The following SULF1 variants were observed in gnomAD, a reference collection of about 807,000 sequenced individuals.
The protein encoded by SULF1 is extracellular sulfatase Sulf-1.
A neutral mutation model predicts 110.5 loss-of-function variants in SULF1; 46 were observed. The observed-to-expected ratio is 0.42, with a 90% confidence interval of 0.33 to 0.53. The LOEUF (loss-of-function observed/expected upper bound fraction) is 0.53, where lower values mean the gene tolerates loss of function less well. Ranked by LOEUF, SULF1 falls within the 20% of genes least tolerant of loss-of-function variation. The pLI is 0.12. For synonymous variants in SULF1, 371 were observed against 387.1 expected (o/e 0.96, Z 0.49); for missense variants, 941 against 1,094.2 (o/e 0.86, Z 1.98).
Position 69,658,504 on chromosome 8 carries a change from G to A in SULF1, c.2586-1G>A. 6.3e-7 allele frequency: 1 copy of A among 1,583,574 alleles called. No homozygotes were observed. The highest frequency in any genetic ancestry group is 8.6e-7 in the Non-Finnish European group (1 of 1,165,532). ...ATTCACCTTCTTCTCTCTTTTCACA[G>A]AGGACAGTTATGGGATGGATGGGAA... On this transcript the variant is annotated splice_acceptor_variant, in intron 22 of 22. Coordinates refer to ENST00000402687, the MANE Select transcript of SULF1 (RefSeq NM_001128205.2). LOFTEE classifies it high-confidence loss of function.
At chr8:69,556,621 A>G (rs898140873) in intron 3 of SULF1, among the ~76,000 whole-genome samples, 1 of 152,250 alleles carries the variant, frequency 6.6e-6, no homozygotes, top group African/African-American at 2.4e-5. Flanking sequence ...CCATAGATAT[A>G]TAAAACCAAA....
chr8:69,648,185 G>A (rs1410802177), intron 22 of SULF1, among the ~76,000 whole-genome samples: 1 of 151,410 alleles, frequency 6.6e-6, no homozygotes, highest in Non-Finnish European at 1.5e-5. Flanking sequence ...GAAGGGCTTA[G>A]GAGAAAGGAG....
chr8:69,619,724 A>G (rs183432829), intron 13 of SULF1, among the ~76,000 whole-genome samples: 5 of 152,310 alleles, frequency 3.3e-5, no homozygotes, highest in African/African-American at 9.6e-5. Flanking sequence ...AGGATGTGCA[A>G]CAGGGGTGTG....
chr8:69,611,441 C>T (rs1295345000), intron 13 of SULF1, among the ~76,000 whole-genome samples: 1 of 152,110 alleles, frequency 6.6e-6, no homozygotes, highest in Non-Finnish European at 1.5e-5. Context: ...CCTCTCTTTC[C>T]CATCTCACAC....
chr8:69,633,485 C>G (rs144162451), intron 19 of SULF1, among the ~76,000 whole-genome samples: 1 of 151,738 alleles, frequency 6.6e-6, no homozygotes, highest in South Asian at 2.1e-4. Context: ...GCCACCACCA[C>G]GCCTAGCTAA....
intron 3 of SULF1, among the ~76,000 whole-genome samples, chr8:69,521,489 G>A (rs1180656516): frequency 4.6e-5 from 7 of 152,148 alleles, no homozygotes; most frequent in Non-Finnish European, 1.0e-4. Flanking sequence ...AGACTTGAAG[G>A]AGTGAGGAAG....
At chr8:69,635,725 C>T (rs977934187) in intron 19 of SULF1, among the ~76,000 whole-genome samples, 1 of 152,136 alleles carries the variant, frequency 6.6e-6, no homozygotes, top group Non-Finnish European at 1.5e-5. Context: ...AAAATATTAG[C>T]CGGGTGTGAT....
chr8:69,642,729 G>A (rs904117061), intron 22 of SULF1, among the ~76,000 whole-genome samples: 8 of 152,220 alleles, frequency 5.3e-5, no homozygotes, highest in African/African-American at 1.9e-4. Context: ...ATAAAAGGGT[G>A]TTCACAGATT....
At chr8:69,597,860 T>C (rs1459672434) in intron 8 of SULF1, among the ~76,000 whole-genome samples, 2 of 152,200 alleles carry the variant, frequency 1.3e-5, no homozygotes, top group African/African-American at 4.8e-5. Context: ...TCTCAGGGCA[T>C]GTAATGGTAA....
At chr8:69,633,914 A>G (rs1255223459) in intron 19 of SULF1, among the ~76,000 whole-genome samples, 1 of 152,170 alleles carries the variant, frequency 6.6e-6, no homozygotes, top group African/African-American at 2.4e-5. Context: ...ATATTTCATG[A>G]AACAAGTTTA....
chr8:69,491,194 C>G (rs540279114), upstream of SULF1, among the ~76,000 whole-genome samples: 2 of 152,164 alleles, frequency 1.3e-5, no homozygotes, highest in African/African-American at 4.8e-5. Context: ...TTACTTTTAC[C>G]AAAAAATAAC....
At chr8:69,519,223 A>G (rs957817999) in intron 3 of SULF1, among the ~76,000 whole-genome samples, 6 of 152,148 alleles carry the variant, frequency 3.9e-5, no homozygotes, top group African/African-American at 1.4e-4. Flanking sequence ...TTCTCCCCGC[A>G]AGGCAGTGAG....
At chr8:69,594,072 A>C (rs1217858416) in intron 8 of SULF1, among the ~76,000 whole-genome samples, 1 of 148,830 alleles carries the variant, frequency 6.7e-6, no homozygotes, top group South Asian at 2.1e-4. Context: ...TTTTTTTGAG[A>C]TGGAGTTTCA....
chr8:69,548,039 A>C (rs972801885), intron 3 of SULF1, among the ~76,000 whole-genome samples: 1 of 152,166 alleles, frequency 6.6e-6, no homozygotes, highest in Non-Finnish European at 1.5e-5. Flanking sequence ...AAGCAAAAGC[A>C]AGCAGAATTC....
intron 3 of SULF1, among the ~76,000 whole-genome samples, chr8:69,560,376 T>A (rs1815399833): frequency 6.6e-6 from 1 of 152,198 alleles, no homozygotes; most frequent in African/African-American, 2.4e-5. Flanking sequence ...TTGAAACATT[T>A]AATGCCACTT....
intron 1 of SULF1, among the ~76,000 whole-genome samples, chr8:69,484,116 T>G (rs989925524): frequency 6.6e-6 from 1 of 152,344 alleles, no homozygotes; most frequent in South Asian, 2.1e-4. Context: ...TACCATTAAC[T>G]AGTCCTTATT....
At chr8:69,475,190 A>T (rs1809250063) in intron 1 of SULF1, among the ~76,000 whole-genome samples, 1 of 152,154 alleles carries the variant, frequency 6.6e-6, no homozygotes, top group Admixed American at 6.6e-5. Flanking sequence ...TATAATAAGC[A>T]TTTCATGTCA....
At chr8:69,504,932 T>C in intron 3 of SULF1, among the ~76,000 whole-genome samples, 1 of 152,166 alleles carries the variant, frequency 6.6e-6, no homozygotes, top group East Asian at 1.9e-4. Context: ...GACCTTAGAG[T>C]TTCAAAATGC....
chr8:69,601,530 T>C (rs748291555), intron 9 of SULF1, 124 bp from the exon 10 acceptor site: 28 of 776,312 alleles, frequency 3.6e-5, no homozygotes, highest in Middle Eastern at 2.5e-4. Flanking sequence ...GATAATGTTA[T>C]TAAAGCAACT....
Sources: allele counts gnomAD v4.1 joint callset (sites outside exome capture counted in the v4.1 genomes callset), GRCh38; gene constraint gnomAD v4.1.1; transcripts MANE v1.5; gene names NCBI Gene and HGNC (gene_info 2026-07-23, HGNC 2026-07-21).